The following CNTN6 variants were observed in gnomAD, a reference collection of about 807,000 sequenced individuals.
CNTN6 encodes the protein contactin 6.
A neutral mutation model predicts 122.8 loss-of-function variants in CNTN6; 137 were observed. The observed-to-expected ratio is 1.12, with a 90% CI of 0.97 to 1.29. The LOEUF is 1.29. Ranked by LOEUF, CNTN6 falls within the 50% of genes most tolerant of loss-of-function variation. The pLI, the probability that CNTN6 is intolerant of heterozygous loss-of-function variation, is 0.00. For missense variants in CNTN6, 1,634 were observed against 1,223.4 expected, an observed-to-expected ratio of 1.34 and a Z score of -5.01; for synonymous variants, 570 against 426.0, an observed-to-expected ratio of 1.34 and a Z score of -4.16.
At chr3:1,281,196 G>A (rs1403626288) in intron 5 of CNTN6, among the ~76,000 whole-genome samples, 1 of 152,052 alleles carries the variant, frequency 6.6e-6, no homozygotes, top group African/African-American at 2.4e-5. Context: ...AGGTCATCTT[G>A]GGATTTTGCC....
intron 7 of CNTN6, among the ~76,000 whole-genome samples, chr3:1,319,732 A>G (rs904335146): frequency 4.6e-5 from 7 of 151,418 alleles, no homozygotes; most frequent in Non-Finnish European, 1.0e-4. Context: ...TTAGAGCTCT[A>G]TTTTTCCTTT....
intron 2 of CNTN6, among the ~76,000 whole-genome samples, chr3:1,156,577 T>C (rs974430961): frequency 3.9e-5 from 6 of 152,162 alleles, no homozygotes; most frequent in African/African-American, 4.8e-5. Context: ...GAAGAAACGA[T>C]ATTTGAGTCT....
chr3:1,185,286 T>A (rs2093612642), intron 2 of CNTN6, among the ~76,000 whole-genome samples: 1 of 152,164 alleles, frequency 6.6e-6, no homozygotes, highest in South Asian at 2.1e-4. Context: ...TTGGCAGTGG[T>A]TTTTACACTT....
At chr3:1,132,706 T>C (rs1297279929) in intron 1 of CNTN6, among the ~76,000 whole-genome samples, 1 of 141,258 alleles carries the variant, frequency 7.1e-6, no homozygotes, top group Non-Finnish European at 1.6e-5. Context: ...GAAGATGTTG[T>C]GGATGATATC....
At position 1,227,856 on chromosome 3, in the gene CNTN6, G is replaced by C. The variant is rs368264892; in HGVS notation, c.221G>C (p.Ser74Thr). Residue 74 changes from serine (S) to threonine (T), a missense_variant, in exon 4 of 23, where the codon AGT (serine) becomes ACT (threonine). Coordinates refer to ENST00000446702, the MANE Select transcript of CNTN6 (RefSeq NM_001289080.2). ...GGCACAGACATTGATTTTACTATGA[G>C]TTATCACTACAGGTTGGATGGAGGC... ...QNGTDIDFTM[S>T]YHYRLDGGSL... 15 of 1,613,786 alleles carry C rather than the reference G, an allele frequency of 9.3e-6. No homozygotes were observed. Among genetic ancestry groups the C allele is most frequent in the Non-Finnish European group, 1.3e-5 (15 of 1,179,946 alleles).
At chr3:1,180,553 T>C (rs980525460) in intron 2 of CNTN6, among the ~76,000 whole-genome samples, 4 of 152,236 alleles carry the variant, frequency 2.6e-5, no homozygotes, top group African/African-American at 4.8e-5. Context: ...CTGTCAGCAA[T>C]GTTTCAACTA....
intron 2 of CNTN6, among the ~76,000 whole-genome samples, chr3:1,206,917 C>T (rs2093965703): frequency 6.6e-6 from 1 of 152,144 alleles, no homozygotes; most frequent in South Asian, 2.1e-4. Context: ...GTTCCTCAGT[C>T]CCTTTACTGG....
chr3:1,383,470 A>G, intron 19 of CNTN6, 62 bp downstream of exon 19: 1 of 1,193,894 alleles, frequency 8.4e-7, no homozygotes, highest in South Asian at 1.2e-5. Context: ...AATAGCTCCT[A>G]TTCAACAGTC....
intron 2 of CNTN6, among the ~76,000 whole-genome samples, chr3:1,182,641 A>T (rs1204888139): frequency 6.6e-6 from 1 of 151,898 alleles, no homozygotes; most frequent in Admixed American, 6.6e-5. Flanking sequence ...AATGTAACTC[A>T]TATACAAAGT....
chr3:1,322,873 AAAC>A (rs1370661400), intron 8 of CNTN6, among the ~76,000 whole-genome samples: 1 of 151,716 alleles, frequency 6.6e-6, no homozygotes, highest in African/African-American at 2.4e-5. Context: ...TAGCCAAGAA[AAAC>A]AATATTTTTT....
chr3:1,103,010 G>A (rs1455364463), intron 1 of CNTN6, among the ~76,000 whole-genome samples: 2 of 151,356 alleles, frequency 1.3e-5, no homozygotes, highest in Non-Finnish European at 2.9e-5. Flanking sequence ...GGAGGCTGAG[G>A]CAGGAGAATG....
At position 1,372,349 on chromosome 3, in the gene CNTN6, G is replaced by A. The variant is rs138019615; in HGVS notation, c.1543G>A (p.Glu515Lys). The A allele has an allele frequency of 2.3e-5, 37 of 1,612,344 alleles. No individual in the cohort carries two copies. The highest frequency in any genetic ancestry group is 8.0e-5 in the African/African-American group (6 of 74,786). ...TTCCAAAATGGATGTTACAGTTGGC[G>A]AGAGTATAGTGCTACCATGCCAGGT... ...PPSKMDVTVG[E>K]SIVLPCQVSH... Residue 515 changes from glutamate to lysine, a missense_variant, in exon 13 of 23, where the codon GAG (glutamate) becomes AAG (lysine). Transcript: ENST00000446702.
intron 1 of CNTN6, 35 bp downstream of exon 1, chr3:1,093,155 G>A: frequency 4.3e-6 from 1 of 233,120 alleles, no homozygotes; most frequent in Non-Finnish European, 8.7e-6. Flanking sequence ...TGCTGTGTCT[G>A]CTGCAATGAG....
chr3:1,389,089 G>A, intron 20 of CNTN6, among the ~76,000 whole-genome samples: 1 of 145,238 alleles, frequency 6.9e-6, no homozygotes, highest in Non-Finnish European at 1.5e-5. Context: ...CTCGAGAAGA[G>A]CAACTCCAAG....
chr3:1,311,061 T>A (rs537102836), intron 7 of CNTN6, among the ~76,000 whole-genome samples: 4 of 151,918 alleles, frequency 2.6e-5, no homozygotes, highest in African/African-American at 9.7e-5. Flanking sequence ...GCAAGGAGAT[T>A]AGGAAGAGTT....
intron 3 of CNTN6, among the ~76,000 whole-genome samples, chr3:1,226,903 G>A (rs62229415): frequency 0.073 from 11,053 of 152,092 alleles, 480 homozygotes; most frequent in Middle Eastern, 0.15. Context: ...TTAAAAAATG[G>A]TCTATGTGAC....
In CNTN6 at chr3:1,372,835, C is replaced by G; in HGVS notation, c.1669-3C>G. On this transcript the variant is annotated splice_region_variant and splice_polypyrimidine_tract_variant and intron_variant, in intron 13 of 22. Coordinates refer to ENST00000446702, the MANE Select transcript of CNTN6 (RefSeq NM_001289080.2). ...TTATCCATTTCTCCCTTTCTGTCTG[C>G]AGGAATCTGTTGGGGATTTGATGAT... 1 of 1,554,476 alleles carries G rather than the reference C, an allele frequency of 6.4e-7. No homozygotes were observed. Among genetic ancestry groups the G allele is most frequent in the Non-Finnish European group, 8.8e-7 (1 of 1,131,774 alleles).
intron 19 of CNTN6, among the ~76,000 whole-genome samples, chr3:1,384,005 A>G (rs1371325947): frequency 6.6e-6 from 1 of 150,454 alleles, no homozygotes; most frequent in Non-Finnish European, 1.5e-5. Flanking sequence ...TCTGGTCCAC[A>G]GTAAAGTCCT....
intron 2 of CNTN6, among the ~76,000 whole-genome samples, chr3:1,199,581 A>C (rs562305625): frequency 6.6e-6 from 1 of 152,288 alleles, no homozygotes; most frequent in South Asian, 2.1e-4. Context: ...TGAAATGTAA[A>C]AAAAAATGCC....
Sources: gnomAD v4.1 joint callset for allele counts (sites outside exome capture counted in the v4.1 genomes callset) on GRCh38, gnomAD v4.1.1 for gene constraint, MANE v1.5 for transcripts, NCBI Gene and HGNC (gene_info 2026-07-23, HGNC 2026-07-21) for gene names.